SAMD3: variants seen among roughly 807,000 people sequenced by gnomAD.
The protein encoded by SAMD3 is sterile alpha motif domain containing 3.
Under a neutral mutation model 58.5 loss-of-function variants are expected in SAMD3, and 63 were observed. The ratio of observed to expected loss-of-function variants is 1.08; its 90% CI spans 0.88 to 1.33. The LOEUF is 1.33. SAMD3 is among the 40% of genes most tolerant of loss of function. SAMD3 has a pLI of 0.00. For missense variants in SAMD3, 604 were observed against 608.4 expected, an observed-to-expected ratio of 0.99 and a Z score of 0.08; for synonymous variants, 220 against 210.3, an observed-to-expected ratio of 1.05 and a Z score of -0.40.
chr6:130,277,908 T>C (rs891913752), intron 2 of SAMD3, among the ~76,000 whole-genome samples: 49 of 152,198 alleles, frequency 3.2e-4, no homozygotes, highest in African/African-American at 1.1e-3. Context: ...GAAACAAAGA[T>C]GGTAACAGCC....
chr6:130,303,898 T>C (rs563872037), intron 2 of SAMD3, among the ~76,000 whole-genome samples: 2 of 152,346 alleles, frequency 1.3e-5, no homozygotes, highest in East Asian at 1.9e-4. Flanking sequence ...TCCAGTTTTT[T>C]TCGTGTTTTT....
chr6:130,151,643 G>A (rs930254231), intron 9 of SAMD3, among the ~76,000 whole-genome samples: 2 of 152,030 alleles, frequency 1.3e-5, no homozygotes, highest in African/African-American at 2.4e-5. Flanking sequence ...GTTTCTCCAC[G>A]TTGGTCAGCC....
chr6:130,229,932 T>C (rs970748310), intron 2 of SAMD3, among the ~76,000 whole-genome samples: 1 of 152,200 alleles, frequency 6.6e-6, no homozygotes, highest in Non-Finnish European at 1.5e-5. Context: ...GACTCTGAAA[T>C]ATAGGTAAGT....
intron 2 of SAMD3, among the ~76,000 whole-genome samples, chr6:130,307,593 A>C (rs539407238): frequency 6.6e-6 from 1 of 152,340 alleles, no homozygotes; most frequent in East Asian, 1.9e-4. Flanking sequence ...CTGTTCCACA[A>C]ACCATGGGGA....
chr6:130,271,487 C>G (rs1330654442), intron 2 of SAMD3, among the ~76,000 whole-genome samples: 1 of 151,996 alleles, frequency 6.6e-6, no homozygotes, highest in African/African-American at 2.4e-5. Flanking sequence ...TGTTTATTTC[C>G]TTTGTCCATA....
chr6:130,327,773 A>G (rs900779306), intron 1 of SAMD3, among the ~76,000 whole-genome samples: 2 of 152,198 alleles, frequency 1.3e-5, no homozygotes, highest in African/African-American at 4.8e-5. Context: ...ACTTTTTAAC[A>G]TTTTGTCATT....
chr6:130,205,292 ATATTTTATTT>A lies in SAMD3; in HGVS notation c.383+4193_383+4202del, dbSNP rs138271256. 3.3e-5 allele frequency among the ~76,000 whole-genome samples: 5 copies of A among 151,082 alleles called. No individual in the cohort carries two copies. The East Asian group carries it at 5.8e-4, about 18-fold the overall frequency. ...CACACATCCCAAGTTCTATTTTATT[ATATTTTATTT>A]TATTTTATTTTATTTTTTTGGGACA... On this transcript the variant is annotated intron_variant, in intron 5 of 11. Transcript: ENST00000439090.
chr6:130,170,018 G>T (rs370463548), intron 8 of SAMD3, among the ~76,000 whole-genome samples: 89 of 152,274 alleles, frequency 5.8e-4, no homozygotes, highest in African/African-American at 1.9e-3. Context: ...ATGTAATGCT[G>T]TTATTTTACA....
rs984562105 is a variant in SAMD3, at chr6:130,146,353, G to A, written c.1024-172C>T. Among the ~76,000 whole-genome samples, 82 of 152,168 alleles carry A rather than the reference G, an allele frequency of 5.4e-4. 2 individuals are homozygous for A. The highest frequency in any genetic ancestry group is 1.3e-4 in the Non-Finnish European group (9 of 68,016). ...AGCCTTAGGATGAGGGAGGAGAAAA[G>A]AATGAAAGCCTGAAATGAATTTGAA... On this transcript the variant is annotated intron_variant, in intron 9 of 11. Coordinates refer to ENST00000439090, the MANE Select transcript of SAMD3 (RefSeq NM_001017373.4).
chr6:130,216,945 G>A (rs540794422), intron 1 of SAMD3, among the ~76,000 whole-genome samples: 4 of 152,138 alleles, frequency 2.6e-5, no homozygotes, highest in Admixed American at 6.5e-5. Context: ...CTCTAAACTC[G>A]AAGATAAAAA....
chr6:130,262,063 GA>G (rs59218287), intron 2 of SAMD3, among the ~76,000 whole-genome samples: 46 of 148,018 alleles, frequency 3.1e-4, no homozygotes, highest in South Asian at 1.3e-3. Flanking sequence ...AAGTAGTTAA[GA>G]AAAAAAAAAT....
At chr6:130,202,322 T>A (rs1001125586) in intron 5 of SAMD3, among the ~76,000 whole-genome samples, 1 of 152,206 alleles carries the variant, frequency 6.6e-6, no homozygotes, top group Non-Finnish European at 1.5e-5. Flanking sequence ...TCACTCTGTA[T>A]CCCCGCTCCT....
In SAMD3 at chr6:130,146,821, A is replaced by C. The variant is rs112391100; in HGVS notation, c.1024-640T>G. Among the ~76,000 whole-genome samples, 570 of 152,108 alleles carry C rather than the reference A, an allele frequency of 3.7e-3. 1 individual carries two copies. The highest frequency in any genetic ancestry group is 0.013 in the African/African-American group (535 of 41,468). On this transcript the variant is annotated intron_variant, in intron 9 of 11. Transcript: ENST00000439090. The stretch of plus-strand genomic sequence containing the variant: ...AAAACCCTGTCTCTACAAAACACAA[A>C]AATTAGCTGGGCATGGCAACATACG...
At chr6:130,337,597 T>G (rs1399255497) in intron 1 of SAMD3, among the ~76,000 whole-genome samples, 1 of 152,220 alleles carries the variant, frequency 6.6e-6, no homozygotes. Context: ...GAAAGGAATA[T>G]GTGGGGAAGT....
chr6:130,184,723 T>G (rs1190494357), intron 5 of SAMD3, 100 bp from the exon 6 acceptor site: 7 of 945,818 alleles, frequency 7.4e-6, no homozygotes, highest in East Asian at 5.3e-5. Context: ...ACAACTTTCC[T>G]GAGACCCAAA....
At chr6:130,297,739 G>A (rs1042102572) in intron 2 of SAMD3, among the ~76,000 whole-genome samples, 9 of 152,144 alleles carry the variant, frequency 5.9e-5, no homozygotes, top group Admixed American at 5.2e-4. Context: ...TAAAAATACA[G>A]TTGGAATCTT....
chr6:130,337,316 C>T (rs780529257), intron 1 of SAMD3, among the ~76,000 whole-genome samples: 1 of 152,200 alleles, frequency 6.6e-6, no homozygotes, highest in Non-Finnish European at 1.5e-5. Flanking sequence ...CCTGCTTCCC[C>T]TTCCACCATG....
In SAMD3 at chr6:130,259,669, G is replaced by A. The variant is rs1359602921; in HGVS notation, c.-187-36856C>T. Among the ~76,000 whole-genome samples, 3 of 152,112 alleles carry A rather than the reference G, an allele frequency of 2.0e-5. No homozygotes were observed. In the East Asian group the frequency reaches 5.8e-4, roughly 29 times the overall value. On this transcript the variant is annotated intron_variant, in intron 2 of 13. Coordinates refer to the SAMD3 transcript ENST00000368134. ...AGAGGAAAAGGCCTGCCAGGTCAGA[G>A]GAGCACAAAACCTGGACTCAATGTA...
At chr6:130,157,904 A>G (rs1889625) in intron 8 of SAMD3, among the ~76,000 whole-genome samples, 117,407 of 151,692 alleles carry the variant, frequency 0.77, 45,545 homozygotes, top group East Asian at 0.93. Context: ...ATTCTAACAT[A>G]CGCTAACATA....
Sources: gnomAD v4.1 joint callset for allele counts (sites outside exome capture counted in the v4.1 genomes callset) on GRCh38, gnomAD v4.1.1 for gene constraint, MANE v1.5 for transcripts, NCBI Gene and HGNC (gene_info 2026-07-23, HGNC 2026-07-21) for gene names.